The following EIF4EBP1 variants were observed in gnomAD, a reference collection of about 807,000 sequenced individuals.
The protein encoded by EIF4EBP1 is eukaryotic translation initiation factor 4E-binding protein 1.
A neutral mutation model predicts 9.2 loss-of-function variants in EIF4EBP1; 5 were observed. The observed-to-expected ratio is 0.54, with a 90% CI of 0.28 to 1.14. The LOEUF (loss-of-function observed/expected upper bound fraction) is 1.14, where lower values mean the gene tolerates loss of function less well. Ranked by LOEUF, EIF4EBP1 falls within the 50% of genes most tolerant of loss-of-function variation. The probability of loss-of-function intolerance (pLI) is 0.09; values close to 1 mark genes in which losing one functional copy is unlikely to be tolerated. For missense variants in EIF4EBP1, 139 were observed against 169.6 expected, an observed-to-expected ratio of 0.82 and a Z score of 1.00; for synonymous variants, 62 against 67.0, an observed-to-expected ratio of 0.93 and a Z score of 0.36.
In EIF4EBP1 at chr8:38,057,231, G is replaced by T. The variant is rs758891790; in HGVS notation, c.296G>T (p.Arg99Leu). ...PPMEASQSHL[R>L]NSPEDKRAGG... is the part of the protein sequence containing the mutation. ...ATGGAAGCCAGCCAGAGCCACCTGC[G>T]CAATAGCCCAGAAGATAAGCGGGCG... is the stretch of plus-strand genomic sequence containing the variant. Residue 99 changes from arginine (R) to leucine (L), a missense_variant, in exon 2 of 3, where the codon CGC (arginine) becomes CTC (leucine). Arg to Leu is a moderately radical substitution (Grantham distance 102). Coordinates refer to ENST00000338825, the MANE Select transcript of EIF4EBP1 (RefSeq NM_004095.4). 4 of 1,613,554 alleles carry T rather than the reference G, an allele frequency of 2.5e-6. No homozygotes were observed. In the African/African-American group the frequency reaches 5.3e-5, roughly 22 times the overall value.
At chr8:38,044,858 C>T (rs867818783) in intron 1 of EIF4EBP1, among the ~76,000 whole-genome samples, 12 of 152,236 alleles carry the variant, frequency 7.9e-5, no homozygotes, top group Middle Eastern at 3.4e-3. Flanking sequence ...GAAGCTCCTG[C>T]GTGGGGAGTT....
intron 1 of EIF4EBP1, among the ~76,000 whole-genome samples, chr8:38,038,952 G>A (rs180821001): frequency 7.1e-4 from 107 of 150,708 alleles, no homozygotes; most frequent in Non-Finnish European, 1.2e-3. Context: ...GAGTGCAATG[G>A]CACAATCTCG....
chr8:38,041,026 C>T (rs1426128341), intron 1 of EIF4EBP1, among the ~76,000 whole-genome samples: 1 of 152,122 alleles, frequency 6.6e-6, no homozygotes, highest in Non-Finnish European at 1.5e-5. Flanking sequence ...TCTTGAACTC[C>T]TGAGCTCAAG....
chr8:38,059,950 T>A lies in EIF4EBP1; in HGVS notation c.*15T>A. On this transcript the variant is annotated 3_prime_UTR_variant, in exon 3 of 3. Transcript: ENST00000338825. ...TGGACATTTAAAGCACCAGCCATCG[T>A]GTGGAGCACTACCAAGGGGCCCCTC... 1 of 1,504,422 alleles carries A rather than the reference T, an allele frequency of 6.6e-7. No homozygotes were observed. The highest frequency in any genetic ancestry group is 8.9e-7 in the Non-Finnish European group (1 of 1,125,388). 93.2% of individuals were successfully genotyped at this position (1,504,422 alleles called of 1,614,324 possible). A position where few individuals can be genotyped will look rare whatever the true frequency, so the allele number is the denominator to read the frequency against.
At chr8:38,034,777 C>T in intron 1 of EIF4EBP1, among the ~76,000 whole-genome samples, 1 of 152,202 alleles carries the variant, frequency 6.6e-6, no homozygotes, top group South Asian at 2.1e-4. Flanking sequence ...GGACATGAAA[C>T]AGGCAGTGCT....
In EIF4EBP1 at chr8:38,057,101, C is replaced by G. The variant is rs781451492; in HGVS notation, c.166C>G (p.Arg56Gly). The G allele has an allele frequency of 6.5e-7, 1 of 1,542,790 alleles. No homozygotes were observed. Among genetic ancestry groups the G allele is most frequent in the Non-Finnish European group, 8.8e-7 (1 of 1,139,074 alleles). ...TPGGTRIIYD[R>G]KFLMECRNSP... is the part of the protein sequence containing the mutation. Reference sequence around the variant, plus strand: ...TCTAGGTACCAGGATCATCTATGACCGGAAATTCCTGATGGAGTGTCGGAA... The same window carrying G: ...TCTAGGTACCAGGATCATCTATGACGGGAAATTCCTGATGGAGTGTCGGAA... The change falls in exon 2 of 3, where the codon CGG becomes GGG. Residue 56 changes from arginine (R) to glycine (G), a missense_variant. Physicochemically the swap from Arg to Gly is moderately radical, Grantham distance 125 (BLOSUM62 -2). Coordinates refer to ENST00000338825, the MANE Select transcript of EIF4EBP1 (RefSeq NM_004095.4).
intron 1 of EIF4EBP1, among the ~76,000 whole-genome samples, chr8:38,035,798 C>T (rs1420105640): frequency 6.6e-6 from 1 of 151,938 alleles, no homozygotes; most frequent in Non-Finnish European, 1.5e-5. Flanking sequence ...CAACCTCCAC[C>T]TCCTGGGTTC....
chr8:38,060,012 T>C lies in EIF4EBP1; in HGVS notation c.*77T>C. ...GGGAGGAGTCCCACCAGCCAGGCCT[T>C]ATGAAAGTGATCATACTGGGCAGGC... On this transcript the variant is annotated 3_prime_UTR_variant, in exon 3 of 3. Coordinates refer to ENST00000338825, the MANE Select transcript of EIF4EBP1 (RefSeq NM_004095.4). The C allele has an allele frequency of 2.1e-6, 3 of 1,448,206 alleles. No homozygotes were observed. Among genetic ancestry groups the C allele is most frequent in the Non-Finnish European group, 2.9e-6 (3 of 1,029,042 alleles). 89.7% of individuals were successfully genotyped at this position (1,448,206 alleles called of 1,614,324 possible).
At chr8:38,056,154 G>A (rs767138427) in intron 1 of EIF4EBP1, among the ~76,000 whole-genome samples, 18 of 151,832 alleles carry the variant, frequency 1.2e-4, no homozygotes, top group Non-Finnish European at 2.4e-4. Flanking sequence ...CATCATGCCC[G>A]ACTCATTTTA....
intron 1 of EIF4EBP1, among the ~76,000 whole-genome samples, chr8:38,036,957 G>A (rs1326543327): frequency 6.6e-6 from 1 of 151,872 alleles, no homozygotes. Context: ...GCCTGGGAAG[G>A]CACAGCAATA....
At chr8:38,038,123 C>T (rs187192221) in intron 1 of EIF4EBP1, among the ~76,000 whole-genome samples, 119 of 152,070 alleles carry the variant, frequency 7.8e-4, no homozygotes, top group Non-Finnish European at 1.5e-3. Context: ...AGATAGTCCC[C>T]GATTATGATG....
chr8:38,038,906 ATTTC>A (rs1563414886), intron 1 of EIF4EBP1, among the ~76,000 whole-genome samples: 2 of 149,792 alleles, frequency 1.3e-5, no homozygotes, highest in East Asian at 3.9e-4. Context: ...ACATTATGAA[ATTTC>A]TTTCTTTTTT....
At chr8:38,050,300 C>T (rs571239211) in intron 1 of EIF4EBP1, among the ~76,000 whole-genome samples, 3 of 152,120 alleles carry the variant, frequency 2.0e-5, no homozygotes, top group African/African-American at 7.2e-5. Flanking sequence ...ATGCTACAAG[C>T]CTTTCTCAGA....
At chr8:38,057,331 T>TG in intron 2 of EIF4EBP1, 71 bp downstream of exon 2, 2 of 1,503,938 alleles carry the variant, frequency 1.3e-6, no homozygotes, top group Non-Finnish European at 1.8e-6. Context: ...GTCCATCCAC[T>TG]GGGGGCAATT....
chr8:38,046,009 C>T (rs1006559543), intron 1 of EIF4EBP1, among the ~76,000 whole-genome samples: 9 of 152,122 alleles, frequency 5.9e-5, no homozygotes, highest in Non-Finnish European at 1.3e-4. Context: ...TTCAAGCAAT[C>T]CTCCTGCCTC....
chr8:38,050,471 T>G (rs1809504408), intron 1 of EIF4EBP1, among the ~76,000 whole-genome samples: 1 of 152,150 alleles, frequency 6.6e-6, no homozygotes, highest in Non-Finnish European at 1.5e-5. Context: ...CACCTCTGCC[T>G]CCTGGGTAGC....
intron 1 of EIF4EBP1, among the ~76,000 whole-genome samples, chr8:38,031,660 G>C (rs1307312254): frequency 6.6e-6 from 1 of 152,340 alleles, no homozygotes; most frequent in East Asian, 1.9e-4. Flanking sequence ...GCTTGGCTAG[G>C]TGGCGGGCGG....
At chr8:38,032,454 T>C (rs760503883) in intron 1 of EIF4EBP1, among the ~76,000 whole-genome samples, 23 of 152,296 alleles carry the variant, frequency 1.5e-4, no homozygotes, top group South Asian at 1.0e-3. Flanking sequence ...TGAGCTATGA[T>C]TGACCACTGC....
chr8:38,038,259 A>C (rs1213346573), intron 1 of EIF4EBP1, among the ~76,000 whole-genome samples: 1 of 151,764 alleles, frequency 6.6e-6, no homozygotes, highest in African/African-American at 2.4e-5. Context: ...CTGTAATCCC[A>C]GCACTTTGGG....
Sources: allele counts gnomAD v4.1 joint callset (sites outside exome capture counted in the v4.1 genomes callset), GRCh38; gene constraint gnomAD v4.1.1; transcripts MANE v1.5; gene names NCBI Gene and HGNC (gene_info 2026-07-23, HGNC 2026-07-21).